The following FIRRM variants were observed in gnomAD, a reference collection of about 807,000 sequenced individuals.
FIRRM encodes FIGNL1 interacting regulator of recombination and mitosis.
At chr1:169,804,252 A>T in the FIRRM span, 4 of 1,462,232 alleles carry the variant, frequency 2.7e-6, no homozygotes, top group Non-Finnish European at 3.6e-6. Context: ...TGAGTGAAGA[A>T]AACTTTCTGC....
At chr1:169,814,708 ATTC>A in the FIRRM span, among the ~76,000 whole-genome samples, 3 of 152,216 alleles carry the variant, frequency 2.0e-5, no homozygotes, top group Non-Finnish European at 2.9e-5. Context: ...CAGATAGATG[ATTC>A]TTCTTGTAAA....
chr1:169,806,202 C>A, the FIRRM span: 1 of 640,732 alleles, frequency 1.6e-6, no homozygotes, highest in Non-Finnish European at 2.6e-6. Flanking sequence ...ATTTAATGTT[C>A]ACTGACACTG....
chr1:169,807,949 C>T, the FIRRM span: 1 of 1,591,670 alleles, frequency 6.3e-7, no homozygotes, highest in East Asian at 2.3e-5. Flanking sequence ...GGGCTAATAG[C>T]ATTTTAAACA....
the FIRRM span, chr1:169,852,525 C>T: frequency 2.1e-6 from 1 of 470,312 alleles, no homozygotes; most frequent in Non-Finnish European, 3.8e-6. Flanking sequence ...CAGCACTTCT[C>T]ATTGGGAGCC....
At chr1:169,832,535 T>C in the FIRRM span, 1 of 1,515,164 alleles carries the variant, frequency 6.6e-7, no homozygotes, top group Non-Finnish European at 9.2e-7. Context: ...TTTGTCACTG[T>C]CTGTGAAGCT....
the FIRRM span, among the ~76,000 whole-genome samples, chr1:169,803,825 T>C: frequency 6.6e-6 from 1 of 152,184 alleles, no homozygotes; most frequent in Non-Finnish European, 1.5e-5. Context: ...GATAGGATGC[T>C]AAAAATGTCA....
chr1:169,786,846 A>G, the FIRRM span, among the ~76,000 whole-genome samples: 1 of 152,162 alleles, frequency 6.6e-6, no homozygotes, highest in Non-Finnish European at 1.5e-5. Context: ...ATTGTGAAGC[A>G]CATTGATTTC....
chr1:169,821,797 T>C, the FIRRM span: 2 of 1,403,436 alleles, frequency 1.4e-6, no homozygotes, highest in Admixed American at 1.9e-5. Flanking sequence ...TTAATTGTAG[T>C]TCTCTCAGAA....
the FIRRM span, among the ~76,000 whole-genome samples, chr1:169,802,340 C>G: frequency 6.6e-6 from 1 of 151,988 alleles, no homozygotes; most frequent in Non-Finnish European, 1.5e-5. Flanking sequence ...AAAACATGAA[C>G]TTTGAGTGAT....
chr1:169,793,864 T>C, the FIRRM span: 1 of 518,100 alleles, frequency 1.9e-6, no homozygotes, highest in Non-Finnish European at 3.3e-6. Flanking sequence ...CCAAATGACT[T>C]TTTAGACGTC....
At chr1:169,793,527 G>A in the FIRRM span, 5 of 1,614,158 alleles carry the variant, frequency 3.1e-6, no homozygotes, top group Non-Finnish European at 4.2e-6. Context: ...AAGTGATCCT[G>A]AGGCAAGTCA....
At chr1:169,823,752 CG>C in the FIRRM span, among the ~76,000 whole-genome samples, 34,251 of 151,774 alleles carry the variant, frequency 0.23, 4,287 homozygotes, top group Middle Eastern at 0.29. Flanking sequence ...CACAAATATA[CG>C]TATACCTTTA....
chr1:169,814,186 T>C, the FIRRM span, among the ~76,000 whole-genome samples: 1 of 152,182 alleles, frequency 6.6e-6, no homozygotes, highest in Non-Finnish European at 1.5e-5. Flanking sequence ...CTTTTTTAAA[T>C]TGTCATTTAT....
the FIRRM span, chr1:169,793,074 C>A: frequency 6.2e-7 from 1 of 1,614,110 alleles, no homozygotes; most frequent in Admixed American, 1.7e-5. Flanking sequence ...TTGGACCCTC[C>A]CTTGAATGCA....
At chr1:169,816,180 C>T in the FIRRM span, among the ~76,000 whole-genome samples, 1 of 138,662 alleles carries the variant, frequency 7.2e-6, no homozygotes, top group African/African-American at 2.8e-5. Flanking sequence ...CCCAAGTAAA[C>T]TAAATAAGAA....
chr1:169,825,757 T>C, the FIRRM span, among the ~76,000 whole-genome samples: 1 of 152,212 alleles, frequency 6.6e-6, no homozygotes, highest in Admixed American at 6.5e-5. Flanking sequence ...ATTGGTGCTT[T>C]TTCCATCACT....
At chr1:169,794,666 G>C in the FIRRM span, 10,611 of 160,718 alleles carry the variant, frequency 0.066, 456 homozygotes, top group Non-Finnish European at 0.097. Context: ...CCAGTCCCGC[G>C]GCTAGGAACG....
At chr1:169,816,031 G>T in the FIRRM span, among the ~76,000 whole-genome samples, 1 of 152,130 alleles carries the variant, frequency 6.6e-6, no homozygotes, top group African/African-American at 2.4e-5. Flanking sequence ...AAAAAAAGAT[G>T]ATATCTGGAA....
chr1:169,851,984 G>A, the FIRRM span: 2 of 1,613,108 alleles, frequency 1.2e-6, no homozygotes, highest in East Asian at 2.2e-5. Flanking sequence ...GGCAAATTCT[G>A]CCCTTTTTAC....
Sources: allele counts gnomAD v4.1 joint callset (sites outside exome capture counted in the v4.1 genomes callset), GRCh38; gene constraint gnomAD v4.1.1; transcripts MANE v1.5; gene names NCBI Gene and HGNC (gene_info 2026-07-23, HGNC 2026-07-21).